Variants in DYRK1A observed in about 807,000 individuals in gnomAD.
DYRK1A encodes the protein dual specificity tyrosine-phosphorylation-regulated kinase 1A.
Under a neutral mutation model 79.7 loss-of-function variants are expected in DYRK1A, and 9 were observed. That is an observed-to-expected ratio of 0.11 (90% CI 0.07 to 0.20). The LOEUF (loss-of-function observed/expected upper bound fraction) is 0.20, where lower values mean the gene tolerates loss of function less well. Ranked by LOEUF, DYRK1A falls within the 10% of genes least tolerant of loss-of-function variation. The pLI is 1.00. For synonymous variants in DYRK1A, 349 were observed against 329.7 expected, an observed-to-expected ratio of 1.06 and a Z score of -0.63; for missense variants, 622 against 956.0, an observed-to-expected ratio of 0.65 and a Z score of 4.61.
rs34646709 is a variant in DYRK1A, at chr21:37,501,166, G to GTTTTT, written c.1213-4098_1213-4094dup. On this transcript the variant is annotated intron_variant, in intron 9 of 11. Coordinates refer to ENST00000647188, the MANE Select transcript of DYRK1A (RefSeq NM_001347721.2). ...TTATATGTTTTTTTTGTTGTTGTTG[G>GTTTTT]TTTTTTTTTTTTTTTTTTTTTTTAA... 1.3e-4 allele frequency among the ~76,000 whole-genome samples: 12 copies of GTTTTT among 93,964 alleles called. 1 individual carries two copies. The highest frequency in any genetic ancestry group is 4.2e-4 in the African/African-American group (9 of 21,354). The allele number at this position is 93,964 out of a possible 152,430, so 61.6% of individuals were successfully genotyped here. A position where few individuals can be genotyped will look rare whatever the true frequency, so the allele number is the denominator to read the frequency against.
intron 1 of DYRK1A, among the ~76,000 whole-genome samples, chr21:37,402,407 CT>C (rs895027157): frequency 1.3e-5 from 2 of 152,016 alleles, no homozygotes; most frequent in African/African-American, 4.8e-5. Context: ...TACTTTTTGT[CT>C]TTTAGCACTT....
At chr21:37,500,320 A>G (rs1004550984) in intron 9 of DYRK1A, among the ~76,000 whole-genome samples, 1 of 152,138 alleles carries the variant, frequency 6.6e-6, no homozygotes, top group African/African-American at 2.4e-5. Flanking sequence ...GTGATAACCT[A>G]CACTTGGCCT....
chr21:37,430,214 A>G (rs1481989599), intron 2 of DYRK1A: 3 of 835,484 alleles, frequency 3.6e-6, no homozygotes, highest in Non-Finnish European at 4.3e-6. Context: ...GTATATAGGT[A>G]TGTTCACTTA....
chr21:37,398,440 A>G (rs773787031), intron 1 of DYRK1A, among the ~76,000 whole-genome samples: 1 of 152,158 alleles, frequency 6.6e-6, no homozygotes, highest in Admixed American at 6.5e-5. Context: ...GGTAAGTGCT[A>G]TTATCTCCAT....
At chr21:37,417,536 T>TTTTCTTTTTTTTTC (rs1569304627) in intron 1 of DYRK1A, among the ~76,000 whole-genome samples, 1 of 105,094 alleles carries the variant, frequency 9.5e-6, no homozygotes, top group African/African-American at 3.4e-5. Flanking sequence ...TTTCTTTTTT[T>TTTTCTTTTTTTTTC]TTTTTTTTTT....
At chr21:37,374,048 A>T (rs2049487243) in intron 1 of DYRK1A, among the ~76,000 whole-genome samples, 1 of 152,170 alleles carries the variant, frequency 6.6e-6, no homozygotes, top group South Asian at 2.1e-4. Flanking sequence ...ATGTAGCTAT[A>T]CTTTTAGTAG....
Position 37,490,159 on chromosome 21 carries a change from CTG to C in DYRK1A, c.638-14_638-13del, listed in dbSNP as rs1029281009. On this transcript the variant is annotated splice_polypyrimidine_tract_variant and intron_variant, in intron 6 of 11. Coordinates refer to ENST00000647188, the MANE Select transcript of DYRK1A (RefSeq NM_001347721.2). ...TTGGTATATATAATTTAAAATGAAA[CTG>C]TTTTCTCTTTCAGTGCATTTGAAAC... 8.7e-6 allele frequency: 14 copies of C among 1,604,054 alleles called. No individual in the cohort carries two copies. Among genetic ancestry groups the C allele is most frequent in the East Asian group, 2.2e-5 (1 of 44,732 alleles).
In DYRK1A at chr21:37,518,045, A is replaced by G. The variant is rs530724412; in HGVS notation, c.*5514A>G. 1 of 152,164 alleles carries G rather than the reference A, an allele frequency of 6.6e-6. No individual in the cohort carries two copies. Among genetic ancestry groups the G allele is most frequent in the South Asian group, 2.1e-4 (1 of 4,816 alleles). 9.4% of individuals were successfully genotyped at this position (152,164 alleles called of 1,614,324 possible). On this transcript the variant is annotated 3_prime_UTR_variant, in exon 12 of 12. Coordinates refer to ENST00000647188, the MANE Select transcript of DYRK1A (RefSeq NM_001347721.2). ...GTAGCTGGGACTACCTGTGCACACC[A>G]CCATGCCTGGCTGTTTTTAATACGG...
At chr21:37,484,572 G>C (rs778828078) in intron 5 of DYRK1A, among the ~76,000 whole-genome samples, 3 of 152,006 alleles carry the variant, frequency 2.0e-5, no homozygotes, top group African/African-American at 7.2e-5. Flanking sequence ...CAGGTGATCC[G>C]CCTGCCTTGG....
At chr21:37,486,909 T>C (rs540700006) in intron 6 of DYRK1A, 2 of 205,052 alleles carry the variant, frequency 9.8e-6, no homozygotes, top group East Asian at 1.0e-4. Flanking sequence ...GATGCATGTT[T>C]ATCCATAGGG....
intron 2 of DYRK1A, among the ~76,000 whole-genome samples, chr21:37,471,187 T>C (rs1036196195): frequency 1.3e-5 from 2 of 152,218 alleles, no homozygotes; most frequent in East Asian, 3.8e-4. Context: ...TTTGGTAATC[T>C]TAAGTGTTAT....
chr21:37,413,426 G>T lies in DYRK1A; in HGVS notation c.-76-6873G>T, dbSNP rs559030779. ...TTTTATATATAAATTATATATGTGT[G>T]TATATATTGTATTATAGAACATCCT... On this transcript the variant is annotated intron_variant, in intron 1 of 11. Transcript: ENST00000647188. Among the ~76,000 whole-genome samples the T allele has an allele frequency of 2.6e-5, 4 of 152,136 alleles. No homozygotes were observed. The East Asian group carries it at 7.7e-4, about 29-fold the overall frequency.
chr21:37,403,189 TAG>T, intron 1 of DYRK1A, among the ~76,000 whole-genome samples: 1 of 152,286 alleles, frequency 6.6e-6, no homozygotes, highest in Admixed American at 6.5e-5. Context: ...TATTCATTTT[TAG>T]AGTTTTCTTT....
intron 1 of DYRK1A, chr21:37,419,708 A>G (rs1384591150): frequency 6.6e-6 from 1 of 152,192 alleles, no homozygotes; most frequent in East Asian, 1.9e-4. Context: ...TTTCTGGTCA[A>G]CCATGAGTTA....
At chr21:37,502,140 C>T (rs770007029) in intron 9 of DYRK1A, 21 of 152,174 alleles carry the variant, frequency 1.4e-4, no homozygotes, top group Non-Finnish European at 2.5e-4. Flanking sequence ...CACACACACA[C>T]ACACTTTTAC....
At chr21:37,481,287 A>G (rs11701810) in intron 5 of DYRK1A, 4 of 152,562 alleles carry the variant, frequency 2.6e-5, no homozygotes, top group African/African-American at 9.6e-5. Context: ...TTTTTCTCCC[A>G]CTTCATGTTG....
rs2053912641 is a variant in DYRK1A, at chr21:37,519,402, A to G, written c.*6871A>G. The G allele has an allele frequency of 6.6e-6, 1 of 152,240 alleles. No individual in the cohort carries two copies. Among genetic ancestry groups the G allele is most frequent in the South Asian group, 2.1e-4 (1 of 4,836 alleles). The allele number at this position is 152,240 out of a possible 1,614,324, so 9.4% of individuals were successfully genotyped here. The stretch of plus-strand genomic sequence containing the variant: ...CGCTTTGTACAATGGAGATACCTAT[A>G]GTGTCCACTTAGGAGATGCTGTGCA... On this transcript the variant is annotated 3_prime_UTR_variant, in exon 12 of 12. Coordinates refer to ENST00000647188, the MANE Select transcript of DYRK1A (RefSeq NM_001347721.2).
chr21:37,426,309 G>A (rs1003536686), intron 2 of DYRK1A, among the ~76,000 whole-genome samples: 1 of 152,174 alleles, frequency 6.6e-6, no homozygotes, highest in African/African-American at 2.4e-5. Flanking sequence ...GCAGTGGACA[G>A]GGATCATAGT....
At chr21:37,413,457 G>A (rs2050279200) in intron 1 of DYRK1A, among the ~76,000 whole-genome samples, 1 of 152,058 alleles carries the variant, frequency 6.6e-6, no homozygotes, top group Non-Finnish European at 1.5e-5. Flanking sequence ...ATCCTGTGTG[G>A]AAAAGTTGGT....
Sources: gnomAD v4.1 joint callset for allele counts (sites outside exome capture counted in the v4.1 genomes callset) on GRCh38, gnomAD v4.1.1 for gene constraint, MANE v1.5 for transcripts, NCBI Gene and HGNC (gene_info 2026-07-23, HGNC 2026-07-21) for gene names.